ZNF365: variants seen among roughly 807,000 people sequenced by gnomAD.
ZNF365 encodes the protein protein ZNF365.
ZNF365 carries 22 observed loss-of-function variants against 35.0 expected under a neutral mutation model. The ratio of observed to expected loss-of-function variants is 0.63; its 90% CI spans 0.45 to 0.90. ZNF365 has a LOEUF of 0.90. Ranked by LOEUF, ZNF365 falls within the 40% of genes least tolerant of loss-of-function variation. The pLI is 0.00. For missense variants in ZNF365, 448 were observed against 500.3 expected (o/e 0.90, Z 1.00); for synonymous variants, 188 against 196.2 (o/e 0.96, Z 0.35).
chr10:62,473,748 G>A (rs1395492700), intron 4 of ZNF365, among the ~76,000 whole-genome samples: 3 of 152,040 alleles, frequency 2.0e-5, no homozygotes, highest in South Asian at 2.1e-4. Context: ...TTAGTGTATC[G>A]ATTAGAATGC....
chr10:62,463,077 G>A (rs547231936), intron 4 of ZNF365, among the ~76,000 whole-genome samples: 11 of 152,160 alleles, frequency 7.2e-5, no homozygotes, highest in African/African-American at 2.7e-4. Flanking sequence ...TACTTTTGAG[G>A]GTTAAAAAAC....
intron 3 of ZNF365, among the ~76,000 whole-genome samples, chr10:62,389,477 G>A (rs959059542): frequency 2.0e-4 from 30 of 151,678 alleles, no homozygotes; most frequent in African/African-American, 7.3e-4. Context: ...CAGCAAATGG[G>A]CTCTATTATA....
chr10:62,399,708 G>T lies in ZNF365; in HGVS notation c.1143G>T (p.Glu381Asp). 1 of 1,614,138 alleles carries T rather than the reference G, an allele frequency of 6.2e-7. No homozygotes were observed. Among genetic ancestry groups the T allele is most frequent in the Non-Finnish European group, 8.5e-7 (1 of 1,180,036 alleles). Residue 381 changes from glutamate (E) to aspartate (D), a missense_variant, in exon 5 of 5, where the codon GAG becomes GAT. By Grantham distance (45) the Glu-to-Asp change is conservative. Transcript: ENST00000395254. ...RDLCRPPKKG[E>D]LLGFGRKGNI... ...TCTGCAGACCTCCAAAGAAAGGGGAGCTCCTGGGGTTTGGCCGCAAAGGCA... is the reference window on the plus strand; with the variant it reads ...TCTGCAGACCTCCAAAGAAAGGGGATCTCCTGGGGTTTGGCCGCAAAGGCA...
In ZNF365 at chr10:62,422,385, T is replaced by G. The variant is rs550441746; in HGVS notation, c.924+33809T>G. On this transcript the variant is annotated intron_variant, in intron 3 of 4. Transcript: ENST00000395255. ...GGTTGTTAAAGGCAACATTCCCCAC[T>G]TTTGAGTGTACTGCTCTGACTCATT... Among the ~76,000 whole-genome samples, 386 of 152,270 alleles carry G rather than the reference T, an allele frequency of 2.5e-3. 3 individuals carry two copies. Among genetic ancestry groups the G allele is most frequent in the African/African-American group, 8.4e-3 (347 of 41,554 alleles).
intron 3 of ZNF365, among the ~76,000 whole-genome samples, chr10:62,452,001 A>G (rs1422593982): frequency 6.6e-6 from 1 of 152,240 alleles, no homozygotes; most frequent in Non-Finnish European, 1.5e-5. Flanking sequence ...TCAGAGAGAC[A>G]GGATAAGAAC....
chr10:62,451,034 G>A (rs1564594785), intron 3 of ZNF365, among the ~76,000 whole-genome samples: 1 of 152,194 alleles, frequency 6.6e-6, no homozygotes, highest in Non-Finnish European at 1.5e-5. Context: ...ACTGCCTGGT[G>A]TTTAGACCTA....
At chr10:62,394,576 C>T (rs1325012997) in intron 3 of ZNF365, among the ~76,000 whole-genome samples, 1 of 152,088 alleles carries the variant, frequency 6.6e-6, no homozygotes, top group Non-Finnish European at 1.5e-5. Context: ...TCTAATTCGG[C>T]ACCATTTTTC....
At chr10:62,385,816 A>G (rs1165450260) in intron 2 of ZNF365, among the ~76,000 whole-genome samples, 1 of 152,198 alleles carries the variant, frequency 6.6e-6, no homozygotes, top group Non-Finnish European at 1.5e-5. Flanking sequence ...CAAAAGGTCA[A>G]TTTTTATATT....
At chr10:62,460,074 G>T (rs1385768313) in intron 4 of ZNF365, among the ~76,000 whole-genome samples, 1 of 152,092 alleles carries the variant, frequency 6.6e-6, no homozygotes, top group Non-Finnish European at 1.5e-5. Flanking sequence ...CTTGCCACTG[G>T]TCTTATTCTC....
chr10:62,406,560 A>G (rs907774738), downstream of ZNF365, among the ~76,000 whole-genome samples: 5 of 152,132 alleles, frequency 3.3e-5, no homozygotes, highest in African/African-American at 1.2e-4. Flanking sequence ...GGAGTATGGG[A>G]ACATCAGTGG....
chr10:62,428,790 G>A (rs1334247879), intron 3 of ZNF365, among the ~76,000 whole-genome samples: 1 of 152,154 alleles, frequency 6.6e-6, no homozygotes. Context: ...TGTCACTCTA[G>A]ACTCCTTCCC....
chr10:62,413,457 C>T (rs1840021136), intron 3 of ZNF365, among the ~76,000 whole-genome samples: 1 of 152,164 alleles, frequency 6.6e-6, no homozygotes, highest in African/African-American at 2.4e-5. Flanking sequence ...ACAGCAGTTA[C>T]TGTTCAGAAT....
chr10:62,459,728 C>G, intron 3 of ZNF365: 1 of 1,604,916 alleles, frequency 6.2e-7, no homozygotes, highest in East Asian at 2.2e-5. Flanking sequence ...CAGTACCCTT[C>G]TTTTCCTTTC....
intron 4 of ZNF365, among the ~76,000 whole-genome samples, chr10:62,477,846 G>A (rs541367896): frequency 3.4e-4 from 52 of 152,274 alleles, no homozygotes; most frequent in African/African-American, 1.2e-3. Context: ...ATTGGCCAAG[G>A]TACGTCACAT....
At chr10:62,388,765 T>C (rs982492683) in intron 3 of ZNF365, among the ~76,000 whole-genome samples, 189 bp downstream of exon 3, 17 of 152,292 alleles carry the variant, frequency 1.1e-4, no homozygotes, top group African/African-American at 4.1e-4. Flanking sequence ...GTAAGGTAAA[T>C]GCTGCATGTG....
chr10:62,421,839 C>G (rs1840173857), intron 3 of ZNF365, among the ~76,000 whole-genome samples: 3 of 152,202 alleles, frequency 2.0e-5, no homozygotes, highest in African/African-American at 4.8e-5. Flanking sequence ...GGAATAATGA[C>G]AGCAGATTAT....
chr10:62,400,017 A>G lies in ZNF365; in HGVS notation c.*228A>G, dbSNP rs1168029456. Reference sequence around the variant, plus strand: ...GAAGCTTGCAAATTACAGAAAGAATAAAAAAATTAAATCAATCTTAAAGCT... The same window carrying G: ...GAAGCTTGCAAATTACAGAAAGAATGAAAAAATTAAATCAATCTTAAAGCT... On this transcript the variant is annotated 3_prime_UTR_variant, in exon 5 of 5. Coordinates refer to ENST00000395254, the MANE Select transcript of ZNF365 (RefSeq NM_014951.3). The G allele has an allele frequency of 8.2e-5, 107 of 1,308,946 alleles. No individual in the cohort carries two copies. The highest frequency in any genetic ancestry group is 9.8e-5 in the Non-Finnish European group (101 of 1,030,982). The allele number at this position is 1,308,946 out of a possible 1,614,324, so 81.1% of individuals were successfully genotyped here.
chr10:62,378,387 G>A (rs953609169), intron 2 of ZNF365, among the ~76,000 whole-genome samples: 1 of 152,116 alleles, frequency 6.6e-6, no homozygotes, highest in South Asian at 2.1e-4. Context: ...TTAATTACAC[G>A]AGTAATAATG....
chr10:62,393,003 T>A (rs1389583474), intron 3 of ZNF365, among the ~76,000 whole-genome samples: 1 of 151,876 alleles, frequency 6.6e-6, no homozygotes, highest in East Asian at 1.9e-4. Flanking sequence ...TAAGCTTTTT[T>A]TCTATTTTTA....
Sources: gnomAD v4.1 joint callset for allele counts (sites outside exome capture counted in the v4.1 genomes callset) on GRCh38, gnomAD v4.1.1 for gene constraint, MANE v1.5 for transcripts, NCBI Gene and HGNC (gene_info 2026-07-23, HGNC 2026-07-21) for gene names.